The following DNAH11 variants were observed in gnomAD, a reference collection of about 807,000 sequenced individuals.
DNAH11 encodes axonemal beta dynein heavy chain 11.
DNAH11 carries 442 observed loss-of-function variants against 526.0 expected under a neutral mutation model. The observed-to-expected ratio is 0.84, with a 90% CI of 0.78 to 0.91. The LOEUF (loss-of-function observed/expected upper bound fraction) is 0.91, where lower values mean the gene tolerates loss of function less well. Among genes scored for constraint, DNAH11 ranks in the 40% least tolerant of loss-of-function variants. The pLI, the probability that DNAH11 is intolerant of heterozygous loss-of-function variation, is 0.00. For synonymous variants in DNAH11, 2,461 were observed against 1,935.9 expected, an observed-to-expected ratio of 1.27 and a Z score of -7.12; for missense variants, 6,989 against 5,448.7, an observed-to-expected ratio of 1.28 and a Z score of -8.90.
rs1784360202 is a variant in DNAH11 at position 21,892,508 on chromosome 7, G to C, written c.12591G>C (p.Glu4197Asp). 6.2e-7 allele frequency: 1 copy of C among 1,613,954 alleles called. No homozygotes were observed. The highest frequency in any genetic ancestry group is 2.2e-5 in the East Asian group (1 of 44,872). ...CAGGCTACCACCAGTACATAGAGGAGATGCTTCCTCCAGAAAGCCCGGCAC... is the reference window on the plus strand; with the variant it reads ...CAGGCTACCACCAGTACATAGAGGACATGCTTCCTCCAGAAAGCCCGGCAC... ...DYAGYHQYIE[E>D]MLPPESPALY... is the part of the protein sequence containing the mutation. Residue 4197 changes from glutamate (E) to aspartate (D), a missense_variant, in exon 77 of 82, where the codon GAG becomes GAC. By Grantham distance (45) the Glu-to-Asp change is conservative. Coordinates refer to ENST00000409508, the MANE Select transcript of DNAH11 (RefSeq NM_001277115.2).
At chr7:21,841,393 G>A (rs1350080272) in intron 65 of DNAH11, among the ~76,000 whole-genome samples, 1 of 152,094 alleles carries the variant, frequency 6.6e-6, no homozygotes, top group Non-Finnish European at 1.5e-5. Flanking sequence ...AGAAAGTACA[G>A]CTGGCCCTGA....
chr7:21,867,552 A>G (rs1490991659), intron 71 of DNAH11, among the ~76,000 whole-genome samples: 1 of 152,114 alleles, frequency 6.6e-6, no homozygotes, highest in Non-Finnish European at 1.5e-5. Context: ...TAATGGGGGA[A>G]TCTGGCAGGG....
intron 76 of DNAH11, among the ~76,000 whole-genome samples, chr7:21,884,738 C>T (rs193212630): frequency 1.3e-5 from 2 of 152,218 alleles, no homozygotes; most frequent in Middle Eastern, 3.4e-3. Flanking sequence ...TTTTCTAGAC[C>T]GAGATGCTGA....
At chr7:21,586,545 A>G (rs973876365) in intron 9 of DNAH11, among the ~76,000 whole-genome samples, 2 of 152,200 alleles carry the variant, frequency 1.3e-5, no homozygotes, top group Non-Finnish European at 2.9e-5. Context: ...TTTAGTTTCT[A>G]TAATTTTTTC....
intron 4 of DNAH11, among the ~76,000 whole-genome samples, chr7:21,560,861 T>C (rs1356424849): frequency 6.6e-6 from 1 of 152,106 alleles, no homozygotes; most frequent in African/African-American, 2.4e-5. Flanking sequence ...TATATCCAAA[T>C]TTAAAAACCT....
intron 76 of DNAH11, among the ~76,000 whole-genome samples, chr7:21,890,887 A>G (rs903559783): frequency 1.3e-5 from 2 of 152,294 alleles, no homozygotes; most frequent in African/African-American, 2.4e-5. Context: ...AATATGAAGG[A>G]TTAGATAACT....
At chr7:21,637,376 G>C (rs1018294946) in intron 26 of DNAH11, among the ~76,000 whole-genome samples, 6 of 152,044 alleles carry the variant, frequency 3.9e-5, no homozygotes, top group Non-Finnish European at 8.8e-5. Flanking sequence ...GCCTAAAGTG[G>C]TGACAGTGCT....
chr7:21,738,167 A>G (rs974144200), intron 46 of DNAH11, among the ~76,000 whole-genome samples: 4 of 152,164 alleles, frequency 2.6e-5, no homozygotes, highest in Non-Finnish European at 5.9e-5. Flanking sequence ...AGTCATATAG[A>G]CACAGGAAGA....
At chr7:21,689,764 G>T (rs867172285) in intron 34 of DNAH11, among the ~76,000 whole-genome samples, 1 of 152,306 alleles carries the variant, frequency 6.6e-6, no homozygotes, top group East Asian at 1.9e-4. Context: ...GTTTCTTTCT[G>T]TGTTTTCTCT....
intron 57 of DNAH11, among the ~76,000 whole-genome samples, chr7:21,781,750 C>A (rs1391743358): frequency 3.9e-5 from 6 of 152,076 alleles, no homozygotes; most frequent in Admixed American, 3.3e-4. Context: ...GCTGCCATGA[C>A]AAAAATACCA....
At chr7:21,619,883 A>T in intron 24 of DNAH11, 73 bp from the exon 25 acceptor site, 1 of 1,426,552 alleles carries the variant, frequency 7.0e-7, no homozygotes, top group Non-Finnish European at 9.5e-7. Context: ...GAAAAAAATT[A>T]ATTCCAGATA....
chr7:21,612,149 C>T (rs1473240155), intron 20 of DNAH11, among the ~76,000 whole-genome samples: 1 of 151,996 alleles, frequency 6.6e-6, no homozygotes, highest in African/African-American at 2.4e-5. Flanking sequence ...ATATAATTTA[C>T]CAAAACTGTC....
At chr7:21,624,496 A>G (rs1786238452) in intron 25 of DNAH11, among the ~76,000 whole-genome samples, 1 of 152,176 alleles carries the variant, frequency 6.6e-6, no homozygotes, top group Non-Finnish European at 1.5e-5. Flanking sequence ...AGATTATGTC[A>G]TCAGCAAACA....
chr7:21,590,650 C>A (rs1784637786), intron 12 of DNAH11, among the ~76,000 whole-genome samples: 1 of 152,138 alleles, frequency 6.6e-6, no homozygotes, highest in African/African-American at 2.4e-5. Flanking sequence ...ACATAGTTAA[C>A]TGAGGATTCG....
At chr7:21,743,789 C>T (rs910094879) in intron 49 of DNAH11, among the ~76,000 whole-genome samples, 1 of 152,214 alleles carries the variant, frequency 6.6e-6, no homozygotes, top group Non-Finnish European at 1.5e-5. Context: ...CCCTTCATAT[C>T]CTGCCTGTCA....
At chr7:21,577,179 G>A (rs989973896) in intron 8 of DNAH11, among the ~76,000 whole-genome samples, 1 of 152,198 alleles carries the variant, frequency 6.6e-6, no homozygotes, top group Non-Finnish European at 1.5e-5. Context: ...GTAAAAGCCT[G>A]ATCTCTCCCT....
At position 21,758,982 on chromosome 7, in the gene DNAH11, G is replaced by A. The variant is rs144993855; in HGVS notation, c.8941-6446G>A. 5.0e-3 allele frequency among the ~76,000 whole-genome samples: 763 copies of A among 152,254 alleles called. 5 individuals are homozygous for A. Among genetic ancestry groups the A allele is most frequent in the South Asian group, 0.024 (114 of 4,828 alleles). On this transcript the variant is annotated intron_variant, in intron 54 of 81. Coordinates refer to ENST00000409508, the MANE Select transcript of DNAH11 (RefSeq NM_001277115.2). ...ACTTGGCATGACACAATTCGAATAC[G>A]GGGCTATCCAGAAGAAAGAAAAATA...
At chr7:21,779,220 T>A (rs1787828671) in intron 57 of DNAH11, 116 bp downstream of exon 57, 14 of 1,287,340 alleles carry the variant, frequency 1.1e-5, no homozygotes, top group Non-Finnish European at 1.5e-5. Context: ...TAAAGAATTA[T>A]TATAGTTACA....
chr7:21,601,473 G>A lies in DNAH11; in HGVS notation c.3503G>A (p.Gly1168Asp), dbSNP rs1276831964. 1 of 1,613,672 alleles carries A rather than the reference G, an allele frequency of 6.2e-7. No homozygotes were observed. The highest frequency in any genetic ancestry group is 1.3e-5 in the African/African-American group (1 of 74,924). The change falls in exon 18 of 82, where the codon GGT (glycine) becomes GAT (aspartate). Residue 1168 changes from glycine (G) to aspartate (D), a missense_variant. Gly to Asp is a moderately conservative substitution (Grantham distance 94). Transcript: ENST00000409508. ...QRELNEGDHD[G>D]LVDIMVHLLA... Reference sequence around the variant, plus strand: ...GAATTAAATGAAGGTGATCATGATGGTTTAGTTGACATCATGGTGCATCTT... The same window carrying A: ...GAATTAAATGAAGGTGATCATGATGATTTAGTTGACATCATGGTGCATCTT...
Sources: gnomAD v4.1 joint callset for allele counts (sites outside exome capture counted in the v4.1 genomes callset) on GRCh38, gnomAD v4.1.1 for gene constraint, MANE v1.5 for transcripts, NCBI Gene and HGNC (gene_info 2026-07-23, HGNC 2026-07-21) for gene names.